IARS1: variants seen among roughly 807,000 people sequenced by gnomAD.
IARS1 encodes the protein isoleucyl-tRNA synthetase 1, also known as isoleucine--tRNA ligase, cytoplasmic.
IARS1 carries 124 observed loss-of-function variants against 168.2 expected under a neutral mutation model. That is an observed-to-expected ratio of 0.74 (90% CI 0.64 to 0.86). The LOEUF is 0.86. Among genes scored for constraint, IARS1 ranks in the 40% least tolerant of loss-of-function variants. The probability of loss-of-function intolerance (pLI) is 0.00; values close to 1 mark genes in which losing one functional copy is unlikely to be tolerated. For missense variants in IARS1, 1,452 were observed against 1,515.8 expected, an observed-to-expected ratio of 0.96 and a Z score of 0.70; for synonymous variants, 532 against 529.4, an observed-to-expected ratio of 1.00 and a Z score of -0.07.
chr9:92,241,583 C>T (rs1330487689), intron 29 of IARS1, among the ~76,000 whole-genome samples: 1 of 152,162 alleles, frequency 6.6e-6, no homozygotes, highest in Admixed American at 6.5e-5. Flanking sequence ...CTCAAGCGAT[C>T]TGCTCGCCTT....
At chr9:92,253,031 C>T (rs547660543) in intron 21 of IARS1, among the ~76,000 whole-genome samples, 13 of 152,124 alleles carry the variant, frequency 8.5e-5, no homozygotes, top group African/African-American at 3.1e-4. Context: ...CCATATCTAC[C>T]AGTATTTTTA....
At chr9:92,270,846 G>T in intron 12 of IARS1, 139 bp downstream of exon 12, 1 of 513,308 alleles carries the variant, frequency 1.9e-6, no homozygotes, top group South Asian at 5.0e-5. Flanking sequence ...TAAAAATGAA[G>T]TAAGAAGGTG....
chr9:92,240,954 C>T lies in IARS1; in HGVS notation c.3185G>A (p.Gly1062Glu), dbSNP rs1828303165. ...VLIQEKTQLKGSELEITLTRG... is the reference protein window; with the variant it reads ...VLIQEKTQLKESELEITLTRG... The stretch of plus-strand genomic sequence containing the variant: ...GGTGAGTGTAATTTCCAGTTCAGAT[C>T]CCTTCAACTGAGCACATGAGAACGT... Residue 1062 changes from glycine (G) to glutamate (E), a missense_variant, in exon 30 of 34, where the codon GGA (glycine) becomes GAA (glutamate). Physicochemically the swap from Gly to Glu is moderately conservative, Grantham distance 98. Coordinates refer to ENST00000443024, the MANE Select transcript of IARS1 (RefSeq NM_002161.6). The T allele has an allele frequency of 6.2e-7, 1 of 1,603,762 alleles. No homozygotes were observed. Among genetic ancestry groups the T allele is most frequent in the Non-Finnish European group, 8.5e-7 (1 of 1,170,964 alleles).
intron 10 of IARS1, among the ~76,000 whole-genome samples, chr9:92,272,211 T>C (rs994744367): frequency 2.0e-5 from 3 of 152,162 alleles, no homozygotes; most frequent in Admixed American, 6.5e-5. Flanking sequence ...AAATATAAAA[T>C]TAAAGAGATT....
chr9:92,293,029 C>T (rs1415392560), intron 1 of IARS1, among the ~76,000 whole-genome samples: 4 of 152,180 alleles, frequency 2.6e-5, no homozygotes, highest in African/African-American at 9.7e-5. Flanking sequence ...TATTTCTGTT[C>T]CCCCTTTTCA....
intron 25 of IARS1, among the ~76,000 whole-genome samples, chr9:92,249,563 G>A (rs1383678712): frequency 6.6e-6 from 1 of 151,856 alleles, no homozygotes; most frequent in Non-Finnish European, 1.5e-5. Flanking sequence ...AGAAAGAAAA[G>A]TAAAGTAAGG....
chr9:92,267,130 T>C (rs1258551182), intron 14 of IARS1, among the ~76,000 whole-genome samples: 2 of 152,174 alleles, frequency 1.3e-5, no homozygotes, highest in Admixed American at 6.5e-5. Context: ...CACAGGATGC[T>C]AGGATTATAT....
At chr9:92,292,125 C>A (rs1467596784) in intron 1 of IARS1, among the ~76,000 whole-genome samples, 5 of 149,800 alleles carry the variant, frequency 3.3e-5, no homozygotes, top group Non-Finnish European at 7.4e-5. Flanking sequence ...TCAGGTGTTC[C>A]TCCCAGTTTA....
intron 9 of IARS1, among the ~76,000 whole-genome samples, chr9:92,277,059 A>G (rs1018564749): frequency 7.2e-5 from 11 of 152,228 alleles, no homozygotes; most frequent in African/African-American, 2.7e-4. Flanking sequence ...GTCAAAACAA[A>G]CAAACAAACA....
At chr9:92,240,591 A>AT in intron 30 of IARS1, 2 of 657,918 alleles carry the variant, frequency 3.0e-6, no homozygotes, top group South Asian at 3.4e-5. Flanking sequence ...GCAGGATCTT[A>AT]TTATGTTGGC....
At chr9:92,211,967 C>T (rs10820955) in intron 33 of IARS1, among the ~76,000 whole-genome samples, 8,680 of 152,060 alleles carry the variant, frequency 0.057, 362 homozygotes, top group Middle Eastern at 0.22. Flanking sequence ...ACTGAATATA[C>T]AACTCAAAAA....
In IARS1 at chr9:92,240,881, G is replaced by A. The variant is rs754479236; in HGVS notation, c.3258C>T (p.Asn1086=). 8.0e-5 allele frequency: 129 copies of A among 1,611,708 alleles called. No homozygotes were observed. The highest frequency in any genetic ancestry group is 1.1e-4 in the Non-Finnish European group (126 of 1,178,032). ...CTTGTTCACTGCCATTTGCACAAATGTTAAGATTGACATATGCACAAGCAG... is the reference window on the plus strand; with the variant it reads ...CTTGTTCACTGCCATTTGCACAAATATTAAGATTGACATATGCACAAGCAG... ...PGPACAYVNL[N]ICANGSEQGG... The change falls in exon 30 of 34, where the codon AAC becomes AAT. Residue 1086 remains asparagine, a synonymous_variant. Transcript: ENST00000443024.
chr9:92,264,903 C>A, intron 16 of IARS1, 26 bp downstream of exon 16: 11 of 1,580,554 alleles, frequency 7.0e-6, no homozygotes, highest in Non-Finnish European at 9.5e-6. Flanking sequence ...CAATAAAACA[C>A]GTGATGAAAG....
rs1036169973 is a variant in IARS1 at position 92,272,185 on chromosome 9, C to T, written c.991-530G>A. Among the ~76,000 whole-genome samples, 31 of 152,346 alleles carry T rather than the reference C, an allele frequency of 2.0e-4. 1 individual carries two copies. Among genetic ancestry groups the T allele is most frequent in the Admixed American group, 5.2e-4 (8 of 15,310 alleles). On this transcript the variant is annotated intron_variant, in intron 10 of 33. Transcript: ENST00000443024. ...GCTCCAGAGTCTATAGTCTTCATCACTGTGTTATGATGCCTAAATATAAAA... is the reference window on the plus strand; with the variant it reads ...GCTCCAGAGTCTATAGTCTTCATCATTGTGTTATGATGCCTAAATATAAAA...
chr9:92,284,668 G>C (rs1835157483), intron 6 of IARS1, among the ~76,000 whole-genome samples: 1 of 152,082 alleles, frequency 6.6e-6, no homozygotes, highest in South Asian at 2.1e-4. Context: ...TACTCCAGAG[G>C]CTGAGGCAAA....
Position 92,274,365 on chromosome 9 carries a change from G to C in IARS1, c.990+61C>G, listed in dbSNP as rs970401611. On this transcript the variant is annotated intron_variant, in intron 10 of 33. Transcript: ENST00000443024. ...CCAACATGATGAGACACAGGACTCC[G>C]CATCTATGAAAAGTGGCTACCGACA... is the stretch of plus-strand genomic sequence containing the variant. 2.4e-6 allele frequency: 3 copies of C among 1,252,404 alleles called. No individual in the cohort carries two copies. The African/African-American group carries it at 4.4e-5, about 18-fold the overall frequency. 77.6% of individuals were successfully genotyped at this position (1,252,404 alleles called of 1,614,324 possible).
chr9:92,272,859 CAAAACAAAAA>C (rs1177854151), intron 10 of IARS1, among the ~76,000 whole-genome samples: 139 of 33,774 alleles, frequency 4.1e-3, no homozygotes, highest in African/African-American at 0.019. Context: ...TCAAACAAAA[CAAAACAAAAA>C]AAAAAAAAAA....
At position 92,274,529 on chromosome 9, in the gene IARS1, G is replaced by C. The variant is rs778240206; in HGVS notation, c.895-8C>G. ...AGCGCCATTCTCTTTACACTGGAAA[G>C]AAAGGACAGCAGGCTTCAGGGATGA... is the stretch of plus-strand genomic sequence containing the variant. On this transcript the variant is annotated splice_polypyrimidine_tract_variant and splice_region_variant and intron_variant, in intron 9 of 33. Transcript: ENST00000443024. The C allele has an allele frequency of 6.2e-7, 1 of 1,602,568 alleles. No homozygotes were observed. Among genetic ancestry groups the C allele is most frequent in the Non-Finnish European group, 8.5e-7 (1 of 1,169,716 alleles).
chr9:92,237,291 T>C (rs1039102452), intron 30 of IARS1, among the ~76,000 whole-genome samples: 1 of 152,352 alleles, frequency 6.6e-6, no homozygotes, highest in East Asian at 1.9e-4. Flanking sequence ...ACTTCTTCCC[T>C]AATCATGGAT....
Sources: allele counts gnomAD v4.1 joint callset (sites outside exome capture counted in the v4.1 genomes callset), GRCh38; gene constraint gnomAD v4.1.1; transcripts MANE v1.5; gene names NCBI Gene and HGNC (gene_info 2026-07-23, HGNC 2026-07-21).